Variants in KCTD20 observed in about 807,000 individuals in gnomAD.
KCTD20 encodes BTB/POZ domain-containing protein KCTD20.
A neutral mutation model predicts 39.6 loss-of-function variants in KCTD20; 30 were observed. The ratio of observed to expected loss-of-function variants is 0.76; its 90% CI spans 0.57 to 1.03. The LOEUF is 1.03. KCTD20 is among the 50% of genes least tolerant of loss of function. KCTD20 has a pLI of 0.00. For synonymous variants in KCTD20, 162 were observed against 180.6 expected (o/e 0.90, Z 0.83); for missense variants, 422 against 522.0 (o/e 0.81, Z 1.87).
intron 3 of KCTD20, among the ~76,000 whole-genome samples, chr6:36,475,727 G>A (rs751153529): frequency 1.3e-4 from 19 of 149,892 alleles, no homozygotes; most frequent in Admixed American, 2.7e-4. Context: ...GGTAAGGTGA[G>A]ACCTAAATCT....
chr6:36,458,756 C>G (rs1416473110), intron 1 of KCTD20, among the ~76,000 whole-genome samples: 1 of 151,448 alleles, frequency 6.6e-6, no homozygotes, highest in Non-Finnish European at 1.5e-5. Context: ...TTTGGGAGAC[C>G]AAGGCGGAAG....
chr6:36,480,764 C>T (rs1776220974), intron 5 of KCTD20, among the ~76,000 whole-genome samples: 3 of 152,028 alleles, frequency 2.0e-5, no homozygotes, highest in African/African-American at 7.2e-5. Flanking sequence ...TGTTGGCCAG[C>T]CTGGTCTCGA....
intron 1 of KCTD20, among the ~76,000 whole-genome samples, chr6:36,448,291 A>G (rs1303019777): frequency 6.6e-6 from 1 of 152,140 alleles, no homozygotes; most frequent in Non-Finnish European, 1.5e-5. Flanking sequence ...TGAATTTTAT[A>G]TGCTATACAA....
chr6:36,465,387 GT>G (rs201281656), intron 1 of KCTD20, among the ~76,000 whole-genome samples: 660 of 120,072 alleles, frequency 5.5e-3, no homozygotes, highest in African/African-American at 0.011. Context: ...GTTTTTTTTT[GT>G]TTTTTTTTTT....
intron 1 of KCTD20, chr6:36,452,629 G>T (rs193139305): frequency 6.7e-6 from 1 of 148,190 alleles, no homozygotes; most frequent in East Asian, 2.0e-4. Context: ...TGCAACCTCC[G>T]CTTCCCGAAG....
Position 36,487,547 on chromosome 6 carries a change from G to T in KCTD20, c.*372G>T. On this transcript the variant is annotated 3_prime_UTR_variant, in exon 8 of 8. Coordinates refer to ENST00000373731, the MANE Select transcript of KCTD20 (RefSeq NM_173562.5). ...TGTTCTTGGGTTTTGTTTTTGTCTT[G>T]TTTTATACCAGGCAAATTGCTTAGT... The T allele has an allele frequency of 5.6e-6, 1 of 177,108 alleles. No homozygotes were observed. The highest frequency in any genetic ancestry group is 1.2e-5 in the Non-Finnish European group (1 of 84,376). The allele number at this position is 177,108 out of a possible 1,614,324, so 11.0% of individuals were successfully genotyped here. A position where few individuals can be genotyped will look rare whatever the true frequency, so the allele number is the denominator to read the frequency against.
intron 1 of KCTD20, among the ~76,000 whole-genome samples, chr6:36,466,059 AGTGTTTT>A (rs1582334220): frequency 6.6e-6 from 1 of 151,604 alleles, no homozygotes; most frequent in East Asian, 1.9e-4. Flanking sequence ...TTGTTGTTGA[AGTGTTTT>A]GTTTCTTTTC....
chr6:36,459,071 C>T (rs1171598134), intron 1 of KCTD20, among the ~76,000 whole-genome samples: 1 of 152,120 alleles, frequency 6.6e-6, no homozygotes, highest in African/African-American at 2.4e-5. Flanking sequence ...TTTGGGAGGC[C>T]GAGGTGGGTG....
At chr6:36,455,519 A>G (rs553424363) in intron 1 of KCTD20, among the ~76,000 whole-genome samples, 1 of 152,346 alleles carries the variant, frequency 6.6e-6, no homozygotes, top group South Asian at 2.1e-4. Context: ...TCTGGAGGAG[A>G]AAAGTGGTAC....
At chr6:36,486,505 A>G (rs1012509405) in intron 7 of KCTD20, among the ~76,000 whole-genome samples, 3 of 152,158 alleles carry the variant, frequency 2.0e-5, no homozygotes, top group Non-Finnish European at 4.4e-5. Context: ...CTCATATAGT[A>G]TGCCCTCTAA....
rs1396096853 is a variant in KCTD20, at chr6:36,446,351, T to C, written c.-47+3240T>C. 2.0e-5 allele frequency among the ~76,000 whole-genome samples: 3 copies of C among 152,104 alleles called. No individual in the cohort carries two copies. In the East Asian group the frequency reaches 5.8e-4, roughly 29 times the overall value. On this transcript the variant is annotated intron_variant, in intron 1 of 7. Coordinates refer to ENST00000373731, the MANE Select transcript of KCTD20 (RefSeq NM_173562.5). The stretch of plus-strand genomic sequence containing the variant: ...CCTGAACTCAGTATTTTTAAAAAAA[T>C]ATTAAATAAAGGCTTAGATAACTAC...
At chr6:36,474,684 T>C in intron 2 of KCTD20, 105 bp from the exon 3 acceptor site, 1 of 1,079,090 alleles carries the variant, frequency 9.3e-7, no homozygotes, top group Non-Finnish European at 1.3e-6. Flanking sequence ...CATCTAAAAT[T>C]TGGGGGTTTT....
At position 36,474,066 on chromosome 6, in the gene KCTD20, GTTTTGT is replaced by G. The variant is rs1430958299; in HGVS notation, c.161-713_161-708del. 1.1e-3 allele frequency among the ~76,000 whole-genome samples: 161 copies of G among 152,000 alleles called. 1 individual carries two copies. The highest frequency in any genetic ancestry group is 3.8e-3 in the African/African-American group (156 of 41,434). Reference sequence around the variant, plus strand: ...CTTCTGAAAAATAAAATTTTGTTTTGTTTTGTTTTTGTTTTGTTTTGTTTTATTATA... The same window carrying G: ...CTTCTGAAAAATAAAATTTTGTTTTGTTTTGTTTTGTTTTGTTTTATTATA... On this transcript the variant is annotated intron_variant, in intron 2 of 7. Coordinates refer to ENST00000373731, the MANE Select transcript of KCTD20 (RefSeq NM_173562.5).
intron 5 of KCTD20, among the ~76,000 whole-genome samples, chr6:36,480,300 T>C (rs1320517011): frequency 6.6e-6 from 1 of 152,132 alleles, no homozygotes; most frequent in African/African-American, 2.4e-5. Context: ...CTTGGGACTT[T>C]GGTGTCTCGA....
rs981146047 is a variant in KCTD20, at chr6:36,469,205, T to C, written c.-46-847T>C. ...CTTCCACCAGAATGCCAGTGGAAATTTGTACAGTGTAAACTGTGAAAGTGC... is the reference window on the plus strand; with the variant it reads ...CTTCCACCAGAATGCCAGTGGAAATCTGTACAGTGTAAACTGTGAAAGTGC... On this transcript the variant is annotated intron_variant, in intron 1 of 7. Coordinates refer to ENST00000373731, the MANE Select transcript of KCTD20 (RefSeq NM_173562.5). This position sits in a 1 kb window ranked among gnomAD's most constrained non-coding sequence, Gnocchi z 4.6. 1.3e-5 allele frequency among the ~76,000 whole-genome samples: 2 copies of C among 152,196 alleles called. No homozygotes were observed. The highest frequency in any genetic ancestry group is 2.9e-5 in the Non-Finnish European group (2 of 68,028).
At chr6:36,446,023 A>AGTTTTT (rs1554158220) in intron 1 of KCTD20, among the ~76,000 whole-genome samples, 3 of 18,294 alleles carry the variant, frequency 1.6e-4, no homozygotes, top group Non-Finnish European at 3.0e-4. Flanking sequence ...TTATGAACTC[A>AGTTTTT]GTTTTTTTTT....
intron 6 of KCTD20, among the ~76,000 whole-genome samples, chr6:36,484,207 T>C (rs918803740): frequency 1.9e-4 from 29 of 152,118 alleles, no homozygotes; most frequent in African/African-American, 6.8e-4. Context: ...AAGTGCTGGG[T>C]TACAGGTGTG....
chr6:36,470,307 G>A, intron 2 of KCTD20, 50 bp downstream of exon 2: 1 of 1,509,044 alleles, frequency 6.6e-7, no homozygotes, highest in East Asian at 2.3e-5. Flanking sequence ...CAATACTAGA[G>A]CATCTACTCT....
chr6:36,443,732 A>G (rs1287797135), intron 1 of KCTD20: 1 of 152,242 alleles, frequency 6.6e-6, no homozygotes, highest in East Asian at 1.9e-4. Context: ...CAGTGTCTTC[A>G]GGTTTAGAAG....
Sources: gnomAD v4.1 joint callset for allele counts (sites outside exome capture counted in the v4.1 genomes callset) on GRCh38, gnomAD v4.1.1 for gene constraint, Gnocchi (gnomAD v3.1) non-coding constraint, MANE v1.5 for transcripts, NCBI Gene and HGNC (gene_info 2026-07-23, HGNC 2026-07-21) for gene names.